GALNT17: variants seen among roughly 807,000 people sequenced by gnomAD.
The protein encoded by GALNT17 is polypeptide N-acetylgalactosaminyltransferase 17.
GALNT17 carries 29 observed loss-of-function variants against 63.7 expected under a neutral mutation model. The observed-to-expected ratio is 0.46, with a 90% CI of 0.34 to 0.62. GALNT17 has a LOEUF of 0.62. GALNT17 is among the 20% of genes least tolerant of loss of function. GALNT17 has a pLI of 0.01. For missense variants in GALNT17, 603 were observed against 799.6 expected (o/e 0.75, Z 2.97); for synonymous variants, 305 against 318.3 (o/e 0.96, Z 0.45).
chr7:71,346,099 G>T (rs947110022), intron 2 of GALNT17, among the ~76,000 whole-genome samples: 1 of 151,850 alleles, frequency 6.6e-6, no homozygotes, highest in African/African-American at 2.4e-5. Context: ...AGGCTGAAGT[G>T]GGGGGATTGC....
chr7:71,479,310 A>G (rs1787775592), intron 5 of GALNT17, among the ~76,000 whole-genome samples: 1 of 152,140 alleles, frequency 6.6e-6, no homozygotes, highest in African/African-American at 2.4e-5. Context: ...AAAAGGCAAA[A>G]TGTTATTTTT....
At chr7:71,546,067 G>A (rs1001871012) in intron 5 of GALNT17, among the ~76,000 whole-genome samples, 19 of 151,974 alleles carry the variant, frequency 1.3e-4, no homozygotes, top group South Asian at 8.3e-4. Flanking sequence ...TAAGACCAGC[G>A]TGGGTAACAT....
At chr7:71,680,824 C>T (rs946332184) in intron 9 of GALNT17, among the ~76,000 whole-genome samples, 5 of 147,292 alleles carry the variant, frequency 3.4e-5, no homozygotes, top group Non-Finnish European at 7.5e-5. Context: ...TTCCTTCCTT[C>T]CCCCCTTCCT....
At chr7:71,220,793 G>A (rs1418356396) in intron 1 of GALNT17, among the ~76,000 whole-genome samples, 1 of 152,120 alleles carries the variant, frequency 6.6e-6, no homozygotes, top group East Asian at 1.9e-4. Flanking sequence ...GCCAAGGAGA[G>A]ACGTCTCAGA....
chr7:71,490,991 C>A (rs932280315), intron 5 of GALNT17, among the ~76,000 whole-genome samples: 1 of 151,928 alleles, frequency 6.6e-6, no homozygotes, highest in South Asian at 2.1e-4. Flanking sequence ...GTTGGGAATT[C>A]GAGACCAGCC....
chr7:71,287,778 A>T (rs1206502550), intron 1 of GALNT17, among the ~76,000 whole-genome samples: 2 of 152,112 alleles, frequency 1.3e-5, no homozygotes, highest in Non-Finnish European at 2.9e-5. Context: ...ATGGCTAGGC[A>T]TGGTGGCTAA....
Position 71,132,705 on chromosome 7 carries a change from C to G in GALNT17, c.-98C>G. ...AGCAGGGGCTTGGATCCCTGCCGGC[C>G]GTCTGGTGTGTGAGGCTTGCACGGC... On this transcript the variant is annotated 5_prime_UTR_variant, in exon 1 of 11. Transcript: ENST00000333538. 1 of 1,016,924 alleles carries G rather than the reference C, an allele frequency of 9.8e-7. No individual in the cohort carries two copies. Among genetic ancestry groups the G allele is most frequent in the Non-Finnish European group, 1.4e-6 (1 of 709,958 alleles). The allele number at this position is 1,016,924 out of a possible 1,614,324, so 63.0% of individuals were successfully genotyped here. A position where few individuals can be genotyped will look rare whatever the true frequency, so the allele number is the denominator to read the frequency against.
At chr7:71,586,826 A>C (rs1402790225) in intron 6 of GALNT17, among the ~76,000 whole-genome samples, 1 of 152,096 alleles carries the variant, frequency 6.6e-6, no homozygotes. Context: ...AGTGTAATTG[A>C]GATATTTATA....
chr7:71,506,493 C>T (rs972830101), intron 5 of GALNT17, among the ~76,000 whole-genome samples: 2 of 152,160 alleles, frequency 1.3e-5, no homozygotes, highest in African/African-American at 4.8e-5. Context: ...TCTCAAACAC[C>T]TAACCTCAGG....
intron 6 of GALNT17, among the ~76,000 whole-genome samples, chr7:71,658,404 T>A (rs1320835694): frequency 6.6e-6 from 1 of 152,150 alleles, no homozygotes; most frequent in South Asian, 2.1e-4. Flanking sequence ...GCCTAAGACT[T>A]CCCAGACCCC....
intron 1 of GALNT17, among the ~76,000 whole-genome samples, chr7:71,201,105 C>T (rs1482809273): frequency 1.3e-5 from 2 of 151,604 alleles, no homozygotes; most frequent in African/African-American, 2.4e-5. Context: ...TTTTGATTTG[C>T]ATTTCTTTAA....
intron 1 of GALNT17, chr7:71,283,958 A>G (rs904810011): frequency 5.3e-5 from 8 of 152,192 alleles, no homozygotes; most frequent in Admixed American, 5.2e-4. Context: ...ACTCTGTAAA[A>G]TGGACCAATC....
At chr7:71,592,944 C>T (rs558165055) in intron 6 of GALNT17, among the ~76,000 whole-genome samples, 12 of 151,942 alleles carry the variant, frequency 7.9e-5, no homozygotes, top group Non-Finnish European at 1.6e-4. Context: ...CCCAGGAGTT[C>T]GAGACCAGCC....
At chr7:71,531,112 A>G (rs4719138) in intron 5 of GALNT17, among the ~76,000 whole-genome samples, 128,985 of 152,124 alleles carry the variant, frequency 0.85, 55,029 homozygotes, top group Middle Eastern at 0.89. Flanking sequence ...TTTTATTGTG[A>G]TATAATTGAC....
chr7:71,705,002 A>T (rs1433054480), intron 9 of GALNT17, among the ~76,000 whole-genome samples: 1 of 152,214 alleles, frequency 6.6e-6, no homozygotes, highest in African/African-American at 2.4e-5. Flanking sequence ...CAAAGAAAAA[A>T]ATAGCTACTT....
At chr7:71,177,755 C>T (rs976594351) in intron 1 of GALNT17, among the ~76,000 whole-genome samples, 1 of 152,082 alleles carries the variant, frequency 6.6e-6, no homozygotes, top group African/African-American at 2.4e-5. Context: ...TAGCTTGTGT[C>T]ACGTTATTTA....
intron 9 of GALNT17, among the ~76,000 whole-genome samples, chr7:71,686,153 C>T (rs777369861): frequency 6.6e-6 from 1 of 151,922 alleles, no homozygotes; most frequent in Non-Finnish European, 1.5e-5. Flanking sequence ...TGGGGTTTCA[C>T]CATGTTAGCC....
At chr7:71,195,821 T>C (rs1789038087) in intron 1 of GALNT17, among the ~76,000 whole-genome samples, 1 of 152,056 alleles carries the variant, frequency 6.6e-6, no homozygotes, top group Non-Finnish European at 1.5e-5. Context: ...AGCGCTGGGG[T>C]TACAGGCACC....
intron 1 of GALNT17, among the ~76,000 whole-genome samples, chr7:71,168,861 T>C (rs1168786567): frequency 6.6e-6 from 1 of 152,178 alleles, no homozygotes; most frequent in Non-Finnish European, 1.5e-5. Context: ...GACCAGTTAA[T>C]TTCTGCAGGT....
Sources: gnomAD v4.1 joint callset for allele counts (sites outside exome capture counted in the v4.1 genomes callset) on GRCh38, gnomAD v4.1.1 for gene constraint, MANE v1.5 for transcripts, NCBI Gene and HGNC (gene_info 2026-07-23, HGNC 2026-07-21) for gene names.